The following MARCHF1 variants were observed in gnomAD, a reference collection of about 807,000 sequenced individuals.
MARCHF1 encodes membrane associated ring-CH-type finger 1, also known as E3 ubiquitin-protein ligase MARCHF1.
Under a neutral mutation model 54.2 loss-of-function variants are expected in MARCHF1, and 40 were observed. That is an observed-to-expected ratio of 0.74 (90% confidence interval 0.57 to 0.96). The LOEUF (loss-of-function observed/expected upper bound fraction) is 0.96. MARCHF1 is among the 40% of genes least tolerant of loss of function. The probability of loss-of-function intolerance (pLI) is 0.00; values close to 1 mark genes in which losing one functional copy is unlikely to be tolerated. For missense variants in MARCHF1, 586 were observed against 656.5 expected, an observed-to-expected ratio of 0.89 and a Z score of 1.17; for synonymous variants, 236 against 236.3, an observed-to-expected ratio of 1.00 and a Z score of 0.01.
chr4:164,374,383 G>A (rs1482342405), intron 1 of MARCHF1, among the ~76,000 whole-genome samples: 3 of 151,966 alleles, frequency 2.0e-5, no homozygotes, highest in Non-Finnish European at 4.4e-5. Context: ...AAAAGCTAAC[G>A]ATAGTCCTAT....
intron 4 of MARCHF1, among the ~76,000 whole-genome samples, chr4:163,708,308 A>G (rs1745008696): frequency 6.6e-6 from 1 of 151,980 alleles, no homozygotes. Flanking sequence ...GCTTCCTACA[A>G]TTCCTGCCTT....
downstream of MARCHF1, chr4:163,524,426 AT>A (rs1249371000): frequency 2.0e-5 from 3 of 152,226 alleles, no homozygotes; most frequent in African/African-American, 7.2e-5. Context: ...TTATATGCTT[AT>A]TTTTCTATAT....
At chr4:163,953,623 C>T (rs185366088) in intron 3 of MARCHF1, among the ~76,000 whole-genome samples, 1 of 152,170 alleles carries the variant, frequency 6.6e-6, no homozygotes, top group Admixed American at 6.5e-5. Flanking sequence ...TGTTAACATA[C>T]ATTCATATAC....
intron 1 of MARCHF1, among the ~76,000 whole-genome samples, chr4:164,206,389 G>A (rs1032713858): frequency 6.6e-6 from 1 of 152,022 alleles, no homozygotes; most frequent in Non-Finnish European, 1.5e-5. Flanking sequence ...GTGAGCCAAG[G>A]TCATGCCATT....
intron 2 of MARCHF1, among the ~76,000 whole-genome samples, chr4:164,095,725 A>T (rs961751886): frequency 5.3e-5 from 8 of 152,104 alleles, no homozygotes; most frequent in African/African-American, 1.9e-4. Flanking sequence ...CAACCAAAAA[A>T]CTTAAACTTT....
chr4:163,557,605 G>A (rs1002157656), intron 8 of MARCHF1, among the ~76,000 whole-genome samples: 4 of 152,156 alleles, frequency 2.6e-5, no homozygotes, highest in African/African-American at 7.2e-5. Flanking sequence ...AAGCTCAAGA[G>A]TGAGAACTGA....
intron 3 of MARCHF1, among the ~76,000 whole-genome samples, chr4:163,864,591 T>A (rs947363552): frequency 6.6e-6 from 1 of 152,028 alleles, no homozygotes; most frequent in African/African-American, 2.4e-5. Context: ...GTAATAAATA[T>A]GTACCCTATC....
chr4:163,800,700 A>G (rs1482711794), intron 4 of MARCHF1, among the ~76,000 whole-genome samples: 2 of 152,140 alleles, frequency 1.3e-5, no homozygotes, highest in African/African-American at 2.4e-5. Flanking sequence ...TTAGAAAATT[A>G]TTATGTCACA....
chr4:163,747,105 G>A (rs1011200307), intron 4 of MARCHF1, among the ~76,000 whole-genome samples: 5 of 152,168 alleles, frequency 3.3e-5, no homozygotes, highest in African/African-American at 1.2e-4. Flanking sequence ...ACGTTAAGGG[G>A]CTGCACTGTC....
chr4:164,230,730 C>G (rs919339752), intron 1 of MARCHF1, among the ~76,000 whole-genome samples: 1 of 152,072 alleles, frequency 6.6e-6, no homozygotes, highest in East Asian at 1.9e-4. Flanking sequence ...CCAGAACCAC[C>G]CAGTTAAGCC....
intron 3 of MARCHF1, among the ~76,000 whole-genome samples, chr4:163,912,850 C>T (rs188073394): frequency 3.7e-4 from 56 of 152,198 alleles, no homozygotes; most frequent in African/African-American, 1.2e-3. Context: ...GAAGTTACTA[C>T]GAATAATTTC....
At chr4:164,238,396 G>A (rs1322323372) in intron 1 of MARCHF1, among the ~76,000 whole-genome samples, 1 of 152,022 alleles carries the variant, frequency 6.6e-6, no homozygotes, top group East Asian at 1.9e-4. Flanking sequence ...TCCAGATTTT[G>A]CATACCAAAT....
intron 1 of MARCHF1, among the ~76,000 whole-genome samples, chr4:164,191,907 A>G (rs1173639331): frequency 6.6e-6 from 1 of 152,112 alleles, no homozygotes; most frequent in Non-Finnish European, 1.5e-5. Flanking sequence ...TATTCTTATC[A>G]TTGTAATTAT....
chr4:164,087,025 T>C (rs1482216321), intron 2 of MARCHF1, among the ~76,000 whole-genome samples: 1 of 152,110 alleles, frequency 6.6e-6, no homozygotes, highest in Admixed American at 6.6e-5. Context: ...ATTTAATGCA[T>C]GCAGGAATAA....
At chr4:164,008,649 A>G (rs1017223208) in intron 2 of MARCHF1, among the ~76,000 whole-genome samples, 29 of 152,130 alleles carry the variant, frequency 1.9e-4, no homozygotes, top group African/African-American at 4.8e-5. Context: ...TCTGACCACA[A>G]TGGAATAAAA....
intron 2 of MARCHF1, among the ~76,000 whole-genome samples, chr4:164,033,527 C>T (rs897184214): frequency 2.0e-5 from 3 of 152,160 alleles, no homozygotes; most frequent in South Asian, 2.1e-4. Flanking sequence ...ATCTATCCAT[C>T]TGACAAAGGT....
chr4:163,900,784 T>C (rs1750922895), intron 3 of MARCHF1, among the ~76,000 whole-genome samples: 1 of 152,154 alleles, frequency 6.6e-6, no homozygotes, highest in East Asian at 1.9e-4. Context: ...TGGTAGGTAC[T>C]GAGGGAATAT....
At chr4:163,998,854 C>T (rs1280655791) in intron 2 of MARCHF1, among the ~76,000 whole-genome samples, 2 of 151,724 alleles carry the variant, frequency 1.3e-5, no homozygotes. Flanking sequence ...TATTCATCCA[C>T]TGATGGACAC....
intron 5 of MARCHF1, among the ~76,000 whole-genome samples, chr4:163,620,425 A>G (rs74633716): frequency 0.012 from 1,768 of 152,254 alleles, 31 homozygotes; most frequent in African/African-American, 0.04. Context: ...ATTTTGCTGA[A>G]ACATTTTTAT....
Sources: allele counts gnomAD v4.1 joint callset (sites outside exome capture counted in the v4.1 genomes callset), GRCh38; gene constraint gnomAD v4.1.1; transcripts MANE v1.5; gene names NCBI Gene and HGNC (gene_info 2026-07-23, HGNC 2026-07-21).